Variants in AOPEP observed in about 807,000 individuals in gnomAD.
AOPEP encodes aminopeptidase O.
Under a neutral mutation model 98.1 loss-of-function variants are expected in AOPEP, and 77 were observed. The ratio of observed to expected loss-of-function variants is 0.78; its 90% CI spans 0.65 to 0.95. The LOEUF is 0.95. Ranked by LOEUF, AOPEP falls within the 40% of genes least tolerant of loss-of-function variation. The pLI, the probability that AOPEP is intolerant of heterozygous loss-of-function variation, is 0.00. For synonymous variants in AOPEP, 346 were observed against 365.3 expected (o/e 0.95, Z 0.60); for missense variants, 1,024 against 1,024.7 (o/e 1.00, Z 0.01).
intron 5 of AOPEP, among the ~76,000 whole-genome samples, chr9:94,906,425 G>A (rs1409366640): frequency 2.7e-5 from 4 of 149,698 alleles, no homozygotes; most frequent in Middle Eastern, 3.3e-3. Flanking sequence ...ACTGTACTCC[G>A]GCCTGTGTGA....
chr9:95,111,896 G>A, the AOPEP span, among the ~76,000 whole-genome samples: 72 of 152,168 alleles, frequency 4.7e-4, no homozygotes, highest in Non-Finnish European at 9.4e-4. Context: ...ATCCAGGTAC[G>A]TTCAGTGAGG....
At chr9:95,040,240 A>G (rs918606293) in intron 13 of AOPEP, among the ~76,000 whole-genome samples, 11 of 152,232 alleles carry the variant, frequency 7.2e-5, no homozygotes, top group Admixed American at 3.3e-4. Context: ...TTGCACGTAC[A>G]AAATCAACTT....
chr9:94,821,069 T>A lies in AOPEP; in HGVS notation c.1364+20067T>A, dbSNP rs151017133. ...TAACTTTGGAAGTTTAAAGAGAAAC[T>A]CTGTTGAAAAAGTAAATCCACATAC... On this transcript the variant is annotated intron_variant, in intron 5 of 16. Transcript: ENST00000375315. Among the ~76,000 whole-genome samples, 846 of 152,344 alleles carry A rather than the reference T, an allele frequency of 5.6e-3. 9 individuals carry two copies. The highest frequency in any genetic ancestry group is 9.5e-3 in the Non-Finnish European group (648 of 68,026).
intron 1 of AOPEP, among the ~76,000 whole-genome samples, chr9:94,733,105 C>CTTTTTTTTTT (rs537104658): frequency 1.6e-5 from 2 of 128,944 alleles, no homozygotes; most frequent in Non-Finnish European, 1.6e-5. Flanking sequence ...TTTTCTTTCT[C>CTTTTTTTTTT]TTTTTTTTTT....
chr9:94,918,734 A>G (rs537622530), intron 5 of AOPEP, among the ~76,000 whole-genome samples: 47 of 152,338 alleles, frequency 3.1e-4, no homozygotes, highest in Middle Eastern at 3.4e-3. Context: ...TGTGTAAAAT[A>G]CAGTGCCTGG....
chr9:95,132,228 C>G, the AOPEP span, among the ~76,000 whole-genome samples: 3 of 152,172 alleles, frequency 2.0e-5, no homozygotes, highest in Non-Finnish European at 4.4e-5. Flanking sequence ...GCTTGCCAGC[C>G]AAGCACAGTG....
At chr9:95,011,199 C>T (rs1206814188) in intron 13 of AOPEP, among the ~76,000 whole-genome samples, 2 of 142,104 alleles carry the variant, frequency 1.4e-5, no homozygotes, top group Non-Finnish European at 3.0e-5. Flanking sequence ...TTCCTAATTT[C>T]CCTAGCCATT....
downstream of AOPEP, among the ~76,000 whole-genome samples, chr9:95,090,523 G>A (rs1165303509): frequency 6.6e-6 from 1 of 152,152 alleles, no homozygotes; most frequent in East Asian, 1.9e-4. Context: ...GGCATCTGAG[G>A]GTGACCCCAG....
At chr9:95,090,716 G>A (rs531868983), downstream of AOPEP, among the ~76,000 whole-genome samples, 24 of 152,330 alleles carry the variant, frequency 1.6e-4, no homozygotes, top group Non-Finnish European at 1.8e-4. Context: ...AGGGGTATAA[G>A]GGCAGGGAAT....
At chr9:94,809,759 C>G (rs910824136) in intron 5 of AOPEP, among the ~76,000 whole-genome samples, 2 of 152,138 alleles carry the variant, frequency 1.3e-5, no homozygotes, top group African/African-American at 4.8e-5. Context: ...ATTAGGTACA[C>G]TATAAAACAC....
the AOPEP span, chr9:95,135,266 C>A: frequency 9.5e-5 from 127 of 1,343,324 alleles, no homozygotes; most frequent in African/African-American, 1.5e-3. Flanking sequence ...TACATCCCCC[C>A]CTTTCATTCT....
At position 94,738,230 on chromosome 9, in the gene AOPEP, A is replaced by T. The variant is rs80153353; in HGVS notation, c.-136+11479A>T. Among the ~76,000 whole-genome samples, 42 of 152,266 alleles carry T rather than the reference A, an allele frequency of 2.8e-4. 1 individual carries two copies. In the East Asian group the frequency reaches 7.9e-3, roughly 29 times the overall value. Reference sequence around the variant, plus strand: ...TCAAGGGCCTTCTCTAAGGTTTCTGAATAGAGGAGTTCTGAATTCACTGAA... The same window carrying T: ...TCAAGGGCCTTCTCTAAGGTTTCTGTATAGAGGAGTTCTGAATTCACTGAA... On this transcript the variant is annotated intron_variant, in intron 1 of 16. Coordinates refer to ENST00000375315, the MANE Select transcript of AOPEP (RefSeq NM_001193329.3).
At chr9:94,956,273 C>T (rs143692950) in intron 9 of AOPEP, among the ~76,000 whole-genome samples, 177 of 152,264 alleles carry the variant, frequency 1.2e-3, no homozygotes, top group African/African-American at 4.1e-3. Flanking sequence ...ACAATCCTGC[C>T]GTTCTCTTTA....
intron 5 of AOPEP, among the ~76,000 whole-genome samples, chr9:94,854,591 A>C (rs1475327509): frequency 6.6e-6 from 1 of 152,198 alleles, no homozygotes; most frequent in Non-Finnish European, 1.5e-5. Context: ...TTTATTCCTT[A>C]GTCAAAGAAC....
chr9:94,731,440 AT>A (rs1830513253), intron 1 of AOPEP, among the ~76,000 whole-genome samples: 1 of 151,832 alleles, frequency 6.6e-6, no homozygotes, highest in African/African-American at 2.4e-5. Flanking sequence ...GTTAGCCAGG[AT>A]GGTCTCGATC....
At chr9:94,737,359 C>T (rs1832018149) in intron 1 of AOPEP, among the ~76,000 whole-genome samples, 1 of 152,168 alleles carries the variant, frequency 6.6e-6, no homozygotes, top group Non-Finnish European at 1.5e-5. Context: ...ATTCTCTGGC[C>T]TTGGCCTCCC....
chr9:95,110,905 G>A, the AOPEP span: 2 of 1,297,158 alleles, frequency 1.5e-6, no homozygotes, highest in Non-Finnish European at 2.0e-6. Context: ...TAGCTGCTCT[G>A]TTATTTAGGA....
intron 5 of AOPEP, among the ~76,000 whole-genome samples, chr9:94,807,620 A>G (rs776353549): frequency 6.6e-6 from 1 of 152,204 alleles, no homozygotes; most frequent in African/African-American, 2.4e-5. Context: ...TTACCGAAGC[A>G]TCATTACTGA....
chr9:94,908,048 C>T (rs913087439), intron 5 of AOPEP, among the ~76,000 whole-genome samples: 2 of 152,092 alleles, frequency 1.3e-5, no homozygotes, highest in Admixed American at 6.5e-5. Flanking sequence ...CCAAAGTGGC[C>T]GTTTTTTAAT....
Sources: allele counts gnomAD v4.1 joint callset (sites outside exome capture counted in the v4.1 genomes callset), GRCh38; gene constraint gnomAD v4.1.1; transcripts MANE v1.5; gene names NCBI Gene and HGNC (gene_info 2026-07-23, HGNC 2026-07-21).